Variants in SPATA17 observed in about 807,000 individuals in gnomAD.
SPATA17 encodes the protein spermatogenesis-associated protein 17.
SPATA17 carries 53 observed loss-of-function variants against 62.2 expected under a neutral mutation model. The observed-to-expected ratio is 0.85, with a 90% confidence interval of 0.68 to 1.07. The LOEUF is 1.07. SPATA17 is among the 50% of genes least tolerant of loss of function. SPATA17 has a pLI of 0.00. For synonymous variants in SPATA17, 146 were observed against 146.8 expected (o/e 0.99, Z 0.04); for missense variants, 466 against 425.5 (o/e 1.10, Z -0.84).
At chr1:217,799,053 G>A (rs539346861) in intron 8 of SPATA17, among the ~76,000 whole-genome samples, 8 of 152,034 alleles carry the variant, frequency 5.3e-5, no homozygotes, top group Admixed American at 1.3e-4. Flanking sequence ...ATTTTTTAAT[G>A]TTAGTAGCTA....
intron 7 of SPATA17, among the ~76,000 whole-genome samples, chr1:217,780,482 T>C (rs761425898): frequency 3.4e-4 from 51 of 152,194 alleles, no homozygotes; most frequent in Non-Finnish European, 1.2e-4. Context: ...CTCTTTCATT[T>C]TGTAGTCTCA....
intron 6 of SPATA17, 113 bp from the exon 7 acceptor site, chr1:217,774,221 A>T (rs1040322780): frequency 1.2e-6 from 1 of 830,016 alleles, no homozygotes; most frequent in Admixed American, 2.8e-5. Context: ...TAAGAACCAC[A>T]GTTGTAGTTT....
intron 6 of SPATA17, among the ~76,000 whole-genome samples, chr1:217,762,250 G>C (rs1002792140): frequency 1.3e-5 from 2 of 152,132 alleles, no homozygotes; most frequent in African/African-American, 4.8e-5. Context: ...CCAGTTGCTA[G>C]CTACGACCTC....
At chr1:217,662,841 A>T (rs998929247) in intron 3 of SPATA17, among the ~76,000 whole-genome samples, 5 of 152,150 alleles carry the variant, frequency 3.3e-5, no homozygotes, top group Non-Finnish European at 2.9e-5. Context: ...AATATTTTTG[A>T]TATTTTTCTT....
At chr1:217,863,113 C>CTCTT (rs1446420486) in intron 10 of SPATA17, among the ~76,000 whole-genome samples, 2 of 145,438 alleles carry the variant, frequency 1.4e-5, no homozygotes, top group African/African-American at 2.5e-5. Flanking sequence ...ATCTAAAATA[C>CTCTT]TCTTTCTTTT....
intron 4 of SPATA17, among the ~76,000 whole-genome samples, chr1:217,681,759 CAG>C (rs1482252336): frequency 6.6e-6 from 1 of 151,968 alleles, no homozygotes; most frequent in East Asian, 1.9e-4. Context: ...TGTTTTAAAA[CAG>C]AGAAAAATAA....
intron 9 of SPATA17, among the ~76,000 whole-genome samples, chr1:217,823,872 C>A (rs960493878): frequency 6.6e-6 from 1 of 151,870 alleles, no homozygotes; most frequent in Non-Finnish European, 1.5e-5. Context: ...TGAACTTCTT[C>A]GTCTCTTTTT....
intron 5 of SPATA17, among the ~76,000 whole-genome samples, chr1:217,685,842 C>A (rs116457689): frequency 0.05 from 7,646 of 152,160 alleles, 254 homozygotes; most frequent in Middle Eastern, 0.12. Flanking sequence ...CAGTACAGTA[C>A]AATAAGATAT....
intron 3 of SPATA17, among the ~76,000 whole-genome samples, chr1:217,652,536 AC>A (rs964389037): frequency 3.3e-5 from 5 of 151,726 alleles, no homozygotes; most frequent in Non-Finnish European, 5.9e-5. Context: ...GCCCGGCCAA[AC>A]TTTTTTTTTT....
chr1:217,708,481 C>A (rs764687259), intron 5 of SPATA17, among the ~76,000 whole-genome samples: 1 of 152,094 alleles, frequency 6.6e-6, no homozygotes, highest in Non-Finnish European at 1.5e-5. Context: ...TAGAAACATA[C>A]AACCTCCCAA....
At chr1:217,749,250 A>G (rs1472896300) in intron 6 of SPATA17, among the ~76,000 whole-genome samples, 1 of 152,030 alleles carries the variant, frequency 6.6e-6, no homozygotes, top group African/African-American at 2.4e-5. Flanking sequence ...TTGTTCCTTT[A>G]TAGTTTCTTA....
At chr1:217,691,182 C>T (rs1392977217) in intron 5 of SPATA17, among the ~76,000 whole-genome samples, 1 of 149,422 alleles carries the variant, frequency 6.7e-6, no homozygotes, top group Non-Finnish European at 1.5e-5. Context: ...GATCACCATT[C>T]TAACTGGTGT....
chr1:217,830,756 G>T lies in SPATA17; in HGVS notation c.1005+28906G>T, dbSNP rs1451317310. On this transcript the variant is annotated intron_variant, in intron 9 of 10. Transcript: ENST00000366933. ...ATATAAATGCCAGATTGATAACGGT[G>T]TTATTAACTCTGAATTAATTTACAA... Among the ~76,000 whole-genome samples, 6 of 152,024 alleles carry T rather than the reference G, an allele frequency of 3.9e-5. 1 individual carries two copies. Among genetic ancestry groups the T allele is most frequent in the African/African-American group, 1.4e-4 (6 of 41,390 alleles).
chr1:217,814,981 A>G (rs1674676870), intron 9 of SPATA17, among the ~76,000 whole-genome samples: 1 of 152,264 alleles, frequency 6.6e-6, no homozygotes, highest in Admixed American at 6.5e-5. Flanking sequence ...TTATCTCTGC[A>G]TTTTTCTACA....
chr1:217,646,321 T>A (rs1245916219), intron 1 of SPATA17, among the ~76,000 whole-genome samples: 3 of 152,190 alleles, frequency 2.0e-5, no homozygotes, highest in Non-Finnish European at 4.4e-5. Context: ...AACTGTTTCC[T>A]AGCAGCAATA....
chr1:217,690,501 T>A (rs946365351), intron 5 of SPATA17, among the ~76,000 whole-genome samples: 12 of 149,412 alleles, frequency 8.0e-5, no homozygotes, highest in African/African-American at 2.9e-4. Flanking sequence ...TATTTTTTTT[T>A]ATTATACTTT....
chr1:217,715,775 C>T (rs1671988533), intron 5 of SPATA17, among the ~76,000 whole-genome samples: 1 of 151,702 alleles, frequency 6.6e-6, no homozygotes, highest in Admixed American at 6.6e-5. Flanking sequence ...CAGTTTCGTT[C>T]TCTTTGTTGT....
chr1:217,770,635 G>C (rs1031195635), intron 6 of SPATA17, among the ~76,000 whole-genome samples: 2 of 152,072 alleles, frequency 1.3e-5, no homozygotes, highest in Non-Finnish European at 2.9e-5. Context: ...GTGGAAAATG[G>C]CCATAAAAAA....
intron 2 of SPATA17, among the ~76,000 whole-genome samples, chr1:217,649,410 C>T (rs190362656): frequency 2.0e-5 from 3 of 152,180 alleles, no homozygotes; most frequent in East Asian, 3.9e-4. Context: ...ACCCGGAAGG[C>T]GAAGTTTGCA....
Sources: gnomAD v4.1 joint callset for allele counts (sites outside exome capture counted in the v4.1 genomes callset) on GRCh38, gnomAD v4.1.1 for gene constraint, MANE v1.5 for transcripts, NCBI Gene and HGNC (gene_info 2026-07-23, HGNC 2026-07-21) for gene names.